The following THADA variants were observed in gnomAD, a reference collection of about 807,000 sequenced individuals.
THADA encodes THADA armadillo repeat containing.
In THADA, 213 loss-of-function variants were observed where a neutral mutation model predicts 219.8. That is an observed-to-expected ratio of 0.97 (90% CI 0.87 to 1.09). The LOEUF (loss-of-function observed/expected upper bound fraction) is 1.09. THADA is among the 50% of genes least tolerant of loss of function. THADA has a pLI of 0.00. For missense variants in THADA, 2,956 were observed against 2,311.3 expected, an observed-to-expected ratio of 1.28 and a Z score of -5.72; for synonymous variants, 1,018 against 828.9, an observed-to-expected ratio of 1.23 and a Z score of -3.92.
chr2:43,371,308 A>G (rs939279915), intron 29 of THADA, among the ~76,000 whole-genome samples: 41 of 152,324 alleles, frequency 2.7e-4, no homozygotes, highest in Admixed American at 2.2e-3. Flanking sequence ...AAGTAGCAAT[A>G]CAACTTGAAG....
In THADA at chr2:43,471,647, G is replaced by C. The variant is rs12994455; in HGVS notation, c.3836+13587C>G. On this transcript the variant is annotated intron_variant, in intron 26 of 37. Transcript: ENST00000405975. ...AACTCCAAGCATTTCCTAATATATAGGCTAAAACATATACATCATAGACAG... is the reference window on the plus strand; with the variant it reads ...AACTCCAAGCATTTCCTAATATATACGCTAAAACATATACATCATAGACAG... Among the ~76,000 whole-genome samples, 1,306 of 152,214 alleles carry C rather than the reference G, an allele frequency of 8.6e-3. 10 individuals carry two copies. The highest frequency in any genetic ancestry group is 0.027 in the Middle Eastern group (8 of 294).
chr2:43,234,187 T>G (rs1030284138), intron 36 of THADA, among the ~76,000 whole-genome samples: 4 of 152,210 alleles, frequency 2.6e-5, no homozygotes, highest in African/African-American at 9.7e-5. Flanking sequence ...ATCAAGAAAT[T>G]ACAGTTGGCA....
chr2:43,584,448 A>G (rs1332962135), intron 7 of THADA, among the ~76,000 whole-genome samples: 2 of 152,222 alleles, frequency 1.3e-5, no homozygotes, highest in African/African-American at 4.8e-5. Flanking sequence ...GATGAGCATA[A>G]AAAGAAGAGC....
chr2:43,303,989 T>C (rs756236816), intron 31 of THADA, among the ~76,000 whole-genome samples: 29 of 152,318 alleles, frequency 1.9e-4, no homozygotes, highest in Admixed American at 8.5e-4. Flanking sequence ...CCTCAGACCA[T>C]CTGACATCAT....
intron 17 of THADA, among the ~76,000 whole-genome samples, chr2:43,553,337 T>C (rs1030664478): frequency 9.2e-5 from 14 of 152,166 alleles, no homozygotes; most frequent in African/African-American, 3.4e-4. Context: ...ATCCCTAATG[T>C]GATAATCGAA....
Position 43,552,890 on chromosome 2 carries a change from C to T in THADA, c.2675-551G>A, listed in dbSNP as rs754327594. Among the ~76,000 whole-genome samples, 4 of 152,046 alleles carry T rather than the reference C, an allele frequency of 2.6e-5. No homozygotes were observed. In the South Asian group the frequency reaches 8.3e-4, roughly 32 times the overall value. On this transcript the variant is annotated intron_variant, in intron 17 of 37. Transcript: ENST00000405975. Reference sequence around the variant, plus strand: ...ACCCTTCTCCAGCCCTAGAGGATCACATATTGTATGATTCCATTTATGATA... The same window carrying T: ...ACCCTTCTCCAGCCCTAGAGGATCATATATTGTATGATTCCATTTATGATA...
chr2:43,266,948 A>G (rs1572842256), intron 36 of THADA, among the ~76,000 whole-genome samples: 1 of 152,026 alleles, frequency 6.6e-6, no homozygotes, highest in Non-Finnish European at 1.5e-5. Context: ...CCCTCCCGCC[A>G]TTGCTCCTTT....
intron 36 of THADA, among the ~76,000 whole-genome samples, chr2:43,235,263 A>G (rs916285550): frequency 6.6e-6 from 1 of 151,876 alleles, no homozygotes; most frequent in East Asian, 1.9e-4. Context: ...TACAGGCATG[A>G]ACCACTGTGC....
intron 36 of THADA, among the ~76,000 whole-genome samples, chr2:43,267,757 T>G (rs1440711825): frequency 1.3e-5 from 2 of 152,048 alleles, no homozygotes; most frequent in African/African-American, 4.8e-5. Context: ...TGTGCGCCCC[T>G]AATCATACGG....
At chr2:43,323,885 CATTTGGCTTCT>C (rs1679027617) in intron 30 of THADA, among the ~76,000 whole-genome samples, 2 of 152,158 alleles carry the variant, frequency 1.3e-5, no homozygotes, top group African/African-American at 4.8e-5. Flanking sequence ...AGAGGGAATT[CATTTGGCTTCT>C]CCAGTTCCAA....
At chr2:43,485,736 C>T (rs988124678) in intron 25 of THADA, among the ~76,000 whole-genome samples, 2 of 151,906 alleles carry the variant, frequency 1.3e-5, no homozygotes, top group African/African-American at 2.4e-5. Flanking sequence ...CTTATAAAAC[C>T]TAACTTCAAA....
In THADA at chr2:43,586,930, T is replaced by C. The variant is rs1346828877; in HGVS notation, c.375A>G (p.Glu125=). 3 of 1,613,732 alleles carry C rather than the reference T, an allele frequency of 1.9e-6. No individual in the cohort carries two copies. Among genetic ancestry groups the C allele is most frequent in the African/African-American group, 2.7e-5 (2 of 74,918 alleles). ...AAGAGTATAAGTCAGTAGTATTCAA[T>C]TCTTCCTGAAGACGAGAAGTAAAAC... ...MHRFTSRLQE[E]LNTTDLYSYR... The change falls in exon 5 of 38, where the codon GAA becomes GAG. Residue 125 remains glutamate (E), a synonymous_variant. Coordinates refer to ENST00000405975, the MANE Select transcript of THADA (RefSeq NM_022065.5).
chr2:43,571,581 A>G (rs1398458359), intron 13 of THADA, 126 bp downstream of exon 13: 1 of 884,314 alleles, frequency 1.1e-6, no homozygotes, highest in Non-Finnish European at 1.7e-6. Flanking sequence ...AACGGCCGTC[A>G]TGAACAGATG....
intron 8 of THADA, among the ~76,000 whole-genome samples, chr2:43,581,437 C>T (rs1469368064): frequency 6.6e-6 from 1 of 150,636 alleles, no homozygotes; most frequent in African/African-American, 2.5e-5. Context: ...AGCGGAGGCA[C>T]GAGAATCGCT....
intron 29 of THADA, among the ~76,000 whole-genome samples, chr2:43,363,062 C>T (rs1339342141): frequency 1.3e-5 from 2 of 152,124 alleles, no homozygotes; most frequent in Non-Finnish European, 2.9e-5. Context: ...ATCACAATGC[C>T]TGAGACTGTT....
intron 22 of THADA, among the ~76,000 whole-genome samples, chr2:43,513,182 T>G (rs1005126437): frequency 4.6e-5 from 7 of 152,214 alleles, no homozygotes; most frequent in Non-Finnish European, 7.3e-5. Flanking sequence ...TAATGGTCAT[T>G]TTCTAAAATC....
At chr2:43,586,608 C>A in intron 6 of THADA, 94 bp downstream of exon 6, 1 of 1,409,776 alleles carries the variant, frequency 7.1e-7, no homozygotes, top group South Asian at 1.3e-5. Context: ...ATCTACAATG[C>A]TCTACCTATT....
At chr2:43,533,633 C>T (rs528654155) in intron 21 of THADA, among the ~76,000 whole-genome samples, 1 of 152,136 alleles carries the variant, frequency 6.6e-6, no homozygotes, top group African/African-American at 2.4e-5. Flanking sequence ...AGCAAACTAA[C>T]ACAGGAACAA....
At chr2:43,548,590 G>T (rs1696353260) in intron 20 of THADA, among the ~76,000 whole-genome samples, 1 of 152,052 alleles carries the variant, frequency 6.6e-6, no homozygotes, top group Non-Finnish European at 1.5e-5. Context: ...CCCTCCCCCA[G>T]CCTCGATGCT....
Sources: gnomAD v4.1 joint callset for allele counts (sites outside exome capture counted in the v4.1 genomes callset) on GRCh38, gnomAD v4.1.1 for gene constraint, MANE v1.5 for transcripts, NCBI Gene and HGNC (gene_info 2026-07-23, HGNC 2026-07-21) for gene names.